Variants in HORMAD2 observed in about 807,000 individuals in gnomAD.
HORMAD2 encodes the protein HORMA domain-containing protein 2.
HORMAD2 carries 45 observed loss-of-function variants against 38.8 expected under a neutral mutation model. The observed-to-expected ratio is 1.16, with a 90% CI of 0.91 to 1.49. HORMAD2 has a LOEUF of 1.49. Ranked by LOEUF, HORMAD2 falls within the 40% of genes most tolerant of loss-of-function variation. HORMAD2 has a pLI of 0.00. For missense variants in HORMAD2, 338 were observed against 367.0 expected, an observed-to-expected ratio of 0.92 and a Z score of 0.65; for synonymous variants, 126 against 122.8, an observed-to-expected ratio of 1.03 and a Z score of -0.17.
the HORMAD2 span, among the ~76,000 whole-genome samples, chr22:30,201,675 C>G: frequency 6.6e-6 from 1 of 152,086 alleles, no homozygotes; most frequent in Non-Finnish European, 1.5e-5. Context: ...CTCGGCCTCC[C>G]AAAATGCTGG....
intron 10 of HORMAD2, among the ~76,000 whole-genome samples, chr22:30,156,664 A>G: frequency 6.6e-6 from 1 of 152,206 alleles, no homozygotes; most frequent in Non-Finnish European, 1.5e-5. Flanking sequence ...TCACAATAAC[A>G]TTACTGTCAT....
intron 10 of HORMAD2, among the ~76,000 whole-genome samples, chr22:30,129,172 C>T (rs573196550): frequency 9.5e-5 from 12 of 126,612 alleles, no homozygotes; most frequent in Admixed American, 3.0e-4. Flanking sequence ...GAGCCGAGAT[C>T]GTGCCACTAC....
chr22:30,101,280 G>A (rs1201378772), intron 3 of HORMAD2, among the ~76,000 whole-genome samples: 3 of 152,130 alleles, frequency 2.0e-5, no homozygotes, highest in Non-Finnish European at 4.4e-5. Flanking sequence ...CATGTCCTTT[G>A]TAGGAACATG....
chr22:30,104,646 A>T, intron 5 of HORMAD2: 2 of 425,402 alleles, frequency 4.7e-6, no homozygotes, highest in East Asian at 8.1e-5. Flanking sequence ...TCTCTTTTAC[A>T]TACTCACATT....
intron 10 of HORMAD2, among the ~76,000 whole-genome samples, chr22:30,125,640 C>CT (rs1317289812): frequency 1.3e-5 from 2 of 152,070 alleles, no homozygotes; most frequent in African/African-American, 4.8e-5. Context: ...AATCCTCTAC[C>CT]TAAGGTCATT....
At chr22:30,179,653 C>T (rs1376915126), downstream of HORMAD2, among the ~76,000 whole-genome samples, 1 of 152,160 alleles carries the variant, frequency 6.6e-6, no homozygotes, top group Admixed American at 6.5e-5. Flanking sequence ...GAGGAGCAAA[C>T]TCAGTCTTAC....
chr22:30,141,595 C>CTTT (rs35003620), intron 10 of HORMAD2, among the ~76,000 whole-genome samples: 1 of 134,866 alleles, frequency 7.4e-6, no homozygotes, highest in Non-Finnish European at 1.6e-5. Context: ...AGAGAACATA[C>CTTT]TTTTTTTTTT....
chr22:30,093,152 T>C (rs907319350), intron 1 of HORMAD2, among the ~76,000 whole-genome samples: 5 of 152,220 alleles, frequency 3.3e-5, no homozygotes, highest in Non-Finnish European at 1.5e-5. Context: ...TCTTTTTGTG[T>C]TCTGTTCAAT....
intron 10 of HORMAD2, among the ~76,000 whole-genome samples, chr22:30,168,804 C>T (rs1925936988): frequency 6.6e-6 from 1 of 152,072 alleles, no homozygotes; most frequent in African/African-American, 2.4e-5. Flanking sequence ...CTGAAGTAGC[C>T]TCATTGCTTC....
intron 8 of HORMAD2, among the ~76,000 whole-genome samples, chr22:30,121,296 A>G (rs1922409571): frequency 6.6e-6 from 1 of 152,214 alleles, no homozygotes. Context: ...TGACTTGACC[A>G]AGGTCATTCA....
chr22:30,120,159 C>T (rs1450901461), intron 8 of HORMAD2, among the ~76,000 whole-genome samples: 1 of 152,094 alleles, frequency 6.6e-6, no homozygotes, highest in African/African-American at 2.4e-5. Flanking sequence ...CTTTCACATG[C>T]TAAGGAGAGA....
At chr22:30,156,989 GAT>G (rs1412587762) in intron 10 of HORMAD2, among the ~76,000 whole-genome samples, 1 of 152,108 alleles carries the variant, frequency 6.6e-6, no homozygotes, top group African/African-American at 2.4e-5. Flanking sequence ...TCTAAATTAA[GAT>G]ATGTTATTAT....
intron 10 of HORMAD2, among the ~76,000 whole-genome samples, chr22:30,126,043 C>G (rs1339702897): frequency 6.6e-6 from 1 of 152,110 alleles, no homozygotes; most frequent in Non-Finnish European, 1.5e-5. Context: ...TCTTCCAGAC[C>G]CTGAGAAACC....
intron 10 of HORMAD2, among the ~76,000 whole-genome samples, chr22:30,141,883 C>T (rs1924101479): frequency 6.6e-6 from 1 of 152,176 alleles, no homozygotes. Flanking sequence ...GTGTGAGCCA[C>T]TGCGCCCAGC....
At chr22:30,098,712 G>C (rs1920925392) in intron 2 of HORMAD2, 140 bp from the exon 3 acceptor site, 1 of 616,746 alleles carries the variant, frequency 1.6e-6, no homozygotes, top group Non-Finnish European at 2.6e-6. Flanking sequence ...AATATTCAAA[G>C]CGCTATTTCT....
rs770304935 is a variant in HORMAD2, at chr22:30,176,288, A to G, written c.*121A>G. ...AAACCTTTTTCTAAATTTTTTGCTC[A>G]ATTTTTTTTGTCAGTTGCTAAGTGC... On this transcript the variant is annotated 3_prime_UTR_variant, in exon 11 of 11. Coordinates refer to ENST00000336726, the MANE Select transcript of HORMAD2 (RefSeq NM_152510.4). The G allele has an allele frequency of 1.2e-4, 86 of 726,494 alleles. No homozygotes were observed. The highest frequency in any genetic ancestry group is 1.8e-4 in the Non-Finnish European group (83 of 452,950). The allele number at this position is 726,494 out of a possible 1,614,324, so 45.0% of individuals were successfully genotyped here.
the HORMAD2 span, among the ~76,000 whole-genome samples, chr22:30,202,008 A>G: frequency 6.6e-6 from 1 of 152,276 alleles, no homozygotes; most frequent in African/African-American, 2.4e-5. Context: ...CATAATCTGT[A>G]TTGGAGGGAA....
intron 1 of HORMAD2, among the ~76,000 whole-genome samples, chr22:30,092,632 A>G (rs957301346): frequency 6.6e-6 from 1 of 152,092 alleles, no homozygotes; most frequent in South Asian, 2.1e-4. Context: ...TGAGCCTTAC[A>G]TTTAAGTCTT....
At chr22:30,149,770 A>G (rs1163352123) in intron 10 of HORMAD2, among the ~76,000 whole-genome samples, 1 of 152,228 alleles carries the variant, frequency 6.6e-6, no homozygotes, top group African/African-American at 2.4e-5. Flanking sequence ...GTTTTGAAAT[A>G]TTTCATGCCC....
Sources: allele counts gnomAD v4.1 joint callset (sites outside exome capture counted in the v4.1 genomes callset), GRCh38; gene constraint gnomAD v4.1.1; transcripts MANE v1.5; gene names NCBI Gene and HGNC (gene_info 2026-07-23, HGNC 2026-07-21).